The following NCALD variants were observed in gnomAD, a reference collection of about 807,000 sequenced individuals.
NCALD encodes neurocalcin-delta.
NCALD carries 10 observed loss-of-function variants against 18.6 expected under a neutral mutation model. The observed-to-expected ratio is 0.54, with a 90% CI of 0.33 to 0.91. NCALD has a LOEUF of 0.91. Ranked by LOEUF, NCALD falls within the 40% of genes least tolerant of loss-of-function variation. The pLI is 0.03. For missense variants in NCALD, 184 were observed against 247.6 expected (o/e 0.74, Z 1.72); for synonymous variants, 88 against 87.4 (o/e 1.01, Z -0.04).
At chr8:101,700,925 T>C (rs899517047) in intron 2 of NCALD, among the ~76,000 whole-genome samples, 1 of 152,062 alleles carries the variant, frequency 6.6e-6, no homozygotes, top group Non-Finnish European at 1.5e-5. Context: ...TCTGAGTGTG[T>C]TGTGGGTTTG....
intron 1 of NCALD, among the ~76,000 whole-genome samples, chr8:102,114,729 A>T (rs888526221): frequency 6.6e-6 from 1 of 152,252 alleles, no homozygotes; most frequent in Non-Finnish European, 1.5e-5. Flanking sequence ...GCCAAATTAT[A>T]CCAGAAGTCA....
chr8:101,879,194 G>A (rs905736241), intron 4 of NCALD, among the ~76,000 whole-genome samples: 1 of 152,140 alleles, frequency 6.6e-6, no homozygotes, highest in African/African-American at 2.4e-5. Flanking sequence ...GGAATTGGTG[G>A]GTTCTTGGTC....
chr8:101,885,235 T>C (rs565918416), intron 4 of NCALD, among the ~76,000 whole-genome samples: 15 of 152,348 alleles, frequency 9.8e-5, no homozygotes, highest in African/African-American at 3.4e-4. Flanking sequence ...GTAATAATTA[T>C]AAACCTAGAG....
intron 1 of NCALD, among the ~76,000 whole-genome samples, chr8:101,768,576 G>A (rs545749098): frequency 5.9e-5 from 9 of 152,270 alleles, no homozygotes; most frequent in African/African-American, 1.9e-4. Context: ...AGGTGTGGTG[G>A]TGCATGCCTA....
At chr8:101,822,824 C>T (rs895291084) in intron 4 of NCALD, among the ~76,000 whole-genome samples, 2 of 152,210 alleles carry the variant, frequency 1.3e-5, no homozygotes, top group African/African-American at 2.4e-5. Flanking sequence ...AGCAGCCTCA[C>T]AGTCTAATTT....
At chr8:101,924,287 G>T (rs933957638) in intron 2 of NCALD, among the ~76,000 whole-genome samples, 1 of 152,056 alleles carries the variant, frequency 6.6e-6, no homozygotes, top group East Asian at 1.9e-4. Context: ...ATCCATTCAC[G>T]CTAATGGTGA....
upstream of NCALD, among the ~76,000 whole-genome samples, chr8:101,795,555 T>C (rs1415838037): frequency 6.6e-6 from 1 of 152,144 alleles, no homozygotes; most frequent in African/African-American, 2.4e-5. Flanking sequence ...AGGAAATTTA[T>C]CCCATTTATG....
rs1462212280 is a variant in NCALD, at chr8:101,697,800, A to C, written c.379-4904T>G. ...TTGATGGAACATATCTTAAAATAAT[A>C]AGAGCTATTTATGACAAACCCACAG... On this transcript the variant is annotated intron_variant, in intron 2 of 3. Transcript: ENST00000220931. Among the ~76,000 whole-genome samples the C allele has an allele frequency of 2.6e-5, 4 of 152,196 alleles. No homozygotes were observed. In the South Asian group the frequency reaches 6.2e-4, roughly 24 times the overall value.
At chr8:102,091,089 G>T (rs1312635247) in intron 1 of NCALD, among the ~76,000 whole-genome samples, 4 of 152,164 alleles carry the variant, frequency 2.6e-5, no homozygotes, top group Non-Finnish European at 5.9e-5. Flanking sequence ...CAACTCATAG[G>T]TATTTGAAGG....
At position 101,842,878 on chromosome 8, in the gene NCALD, A is replaced by G. The variant is rs1295544416; in HGVS notation, c.-20+44263T>C. ...TCAACCATGTGTATCCCAGGGAGGG[A>G]GAGAGAGAGAAAGGAGAGAAAAAAA... On this transcript the variant is annotated intron_variant, in intron 4 of 6. Transcript: ENST00000311028. 4.6e-5 allele frequency among the ~76,000 whole-genome samples: 7 copies of G among 152,092 alleles called. No individual in the cohort carries two copies. In the East Asian group the frequency reaches 1.2e-3, roughly 25 times the overall value.
chr8:101,721,557 C>T (rs1262906697), intron 1 of NCALD, among the ~76,000 whole-genome samples: 3 of 152,150 alleles, frequency 2.0e-5, no homozygotes, highest in Non-Finnish European at 2.9e-5. Context: ...AGCTTAGGAT[C>T]TCTTATATTG....
At chr8:101,787,535 C>T (rs1812276188) in intron 1 of NCALD, among the ~76,000 whole-genome samples, 1 of 152,106 alleles carries the variant, frequency 6.6e-6, no homozygotes, top group Non-Finnish European at 1.5e-5. Flanking sequence ...CGGCAGCTGA[C>T]CAACTGCAAA....
At chr8:102,076,817 G>A (rs990852174) in intron 1 of NCALD, among the ~76,000 whole-genome samples, 3 of 152,104 alleles carry the variant, frequency 2.0e-5, no homozygotes, top group African/African-American at 7.2e-5. Context: ...CAAATAGCAC[G>A]CCTTCCTTCT....
At chr8:101,791,932 G>C (rs375983706), upstream of NCALD, among the ~76,000 whole-genome samples, 9 of 152,098 alleles carry the variant, frequency 5.9e-5, no homozygotes, top group East Asian at 9.6e-4. Flanking sequence ...CCTTTACGAC[G>C]ACCCTAGCTT....
chr8:101,848,445 A>G (rs965960963), intron 4 of NCALD, among the ~76,000 whole-genome samples: 1 of 152,196 alleles, frequency 6.6e-6, no homozygotes, highest in Non-Finnish European at 1.5e-5. Flanking sequence ...AAACAGATAC[A>G]GCAAGAAGCT....
intron 2 of NCALD, among the ~76,000 whole-genome samples, chr8:101,985,042 A>T (rs1820753553): frequency 6.6e-6 from 1 of 152,234 alleles, no homozygotes. Flanking sequence ...GCCTACCCTT[A>T]TCCCTTAATC....
chr8:101,914,192 G>A lies in NCALD; in HGVS notation c.-107+1617C>T, dbSNP rs547256472. On this transcript the variant is annotated intron_variant, in intron 3 of 6. Coordinates refer to the NCALD transcript ENST00000311028. ...GATTGTGACTATCTCTCAGACTTGA[G>A]TTGTTTCTGATGACCTTCACAGCTT... Among the ~76,000 whole-genome samples, 5 of 152,302 alleles carry A rather than the reference G, an allele frequency of 3.3e-5. No individual in the cohort carries two copies. The South Asian group carries it at 1.0e-3, about 32-fold the overall frequency.
intron 1 of NCALD, among the ~76,000 whole-genome samples, chr8:102,032,681 G>C (rs1822720956): frequency 1.3e-5 from 2 of 149,850 alleles, no homozygotes; most frequent in Non-Finnish European, 3.0e-5. Context: ...CCTCTTAGAA[G>C]GGGCAATGAG....
Position 101,910,652 on chromosome 8 carries a change from A to G in NCALD, c.-107+5157T>C, listed in dbSNP as rs56148596. 2.6e-3 allele frequency among the ~76,000 whole-genome samples: 393 copies of G among 152,280 alleles called. 2 individuals carry two copies. The highest frequency in any genetic ancestry group is 4.4e-3 in the Non-Finnish European group (299 of 68,028). ...TTATAAAATGCATTACTTCAAAATA[A>G]ACCCAGCTCTTTTGACAAAAAGATC... On this transcript the variant is annotated intron_variant, in intron 3 of 6. Coordinates refer to the NCALD transcript ENST00000311028.
Sources: gnomAD v4.1 joint callset for allele counts (sites outside exome capture counted in the v4.1 genomes callset) on GRCh38, gnomAD v4.1.1 for gene constraint, MANE v1.5 for transcripts, NCBI Gene and HGNC (gene_info 2026-07-23, HGNC 2026-07-21) for gene names.